TIMP3: variants seen among roughly 807,000 people sequenced by gnomAD.
TIMP3 encodes TIMP metallopeptidase inhibitor 3, also known as metalloproteinase inhibitor 3.
A neutral mutation model predicts 30.0 loss-of-function variants in TIMP3; 11 were observed. The observed-to-expected ratio is 0.37, with a 90% CI of 0.23 to 0.61. The LOEUF is 0.61. Among genes scored for constraint, TIMP3 ranks in the 20% least tolerant of loss-of-function variants. TIMP3 has a pLI of 0.70. For synonymous variants in TIMP3, 112 were observed against 111.3 expected (o/e 1.01, Z -0.04); for missense variants, 181 against 276.8 (o/e 0.65, Z 2.45).
chr22:32,831,849 C>A (rs191929519), intron 1 of TIMP3, among the ~76,000 whole-genome samples: 78 of 151,744 alleles, frequency 5.1e-4, no homozygotes, highest in African/African-American at 1.7e-3. Flanking sequence ...GTCACTGCAC[C>A]CCCCCCAACC....
rs2048574165 is a variant in TIMP3, at chr22:32,862,508, C to G, written c.*3131C>G. On this transcript the variant is annotated 3_prime_UTR_variant, in exon 5 of 5. Transcript: ENST00000266085. Reference sequence around the variant, plus strand: ...CCAGGAGACACTACCCTTCCATGCCCCAGACCTCTGTCTTGCATGTGACAA... The same window carrying G: ...CCAGGAGACACTACCCTTCCATGCCGCAGACCTCTGTCTTGCATGTGACAA... The G allele has an allele frequency of 6.6e-6, 1 of 152,208 alleles. No individual in the cohort carries two copies. Among genetic ancestry groups the G allele is most frequent in the African/African-American group, 2.4e-5 (1 of 41,440 alleles). 9.4% of individuals were successfully genotyped at this position (152,208 alleles called of 1,614,324 possible). A position where few individuals can be genotyped will look rare whatever the true frequency, so the allele number is the denominator to read the frequency against.
At chr22:32,822,795 G>T (rs1376894409) in intron 1 of TIMP3, among the ~76,000 whole-genome samples, 3 of 152,134 alleles carry the variant, frequency 2.0e-5, no homozygotes, top group African/African-American at 7.2e-5. Context: ...TAATATAATG[G>T]ATGGTCCAAA....
chr22:32,852,358 G>T (rs2048243776), intron 2 of TIMP3, among the ~76,000 whole-genome samples: 1 of 152,276 alleles, frequency 6.6e-6, no homozygotes, highest in South Asian at 2.1e-4. Flanking sequence ...ACAAAAAGAG[G>T]TCAGTTTGGG....
rs997308356 is a variant in TIMP3, at chr22:32,858,025, T to C, written c.325T>C (p.Tyr109His). The change falls in exon 4 of 5, where the codon TAT becomes CAT. Residue 109 changes from tyrosine to histidine, a missense_variant. Tyr to His is a moderately conservative substitution (Grantham distance 83). Transcript: ENST00000266085. ...KYQYLLTGRV[Y>H]DGKMYTGLCN... ...CTTCTTTCCTCCTGTAGGTCGCGTC[T>C]ATGATGGCAAGATGTACACGGGGCT... The C allele has an allele frequency of 1.2e-6, 2 of 1,614,190 alleles. No homozygotes were observed. The highest frequency in any genetic ancestry group is 4.5e-5 in the East Asian group (2 of 44,864).
intron 1 of TIMP3, among the ~76,000 whole-genome samples, chr22:32,848,453 G>T (rs2048130679): frequency 6.6e-6 from 1 of 152,204 alleles, no homozygotes; most frequent in Admixed American, 6.5e-5. Flanking sequence ...AGATCATGTG[G>T]ATGCTAATAC....
intron 1 of TIMP3, among the ~76,000 whole-genome samples, chr22:32,832,503 C>G (rs1387414005): frequency 6.7e-6 from 1 of 150,032 alleles, no homozygotes; most frequent in African/African-American, 2.5e-5. Flanking sequence ...GCCCAGGGCT[C>G]TTCTTGCTAT....
intron 1 of TIMP3, among the ~76,000 whole-genome samples, chr22:32,815,243 A>G (rs1305759083): frequency 6.6e-6 from 1 of 152,220 alleles, no homozygotes; most frequent in African/African-American, 2.4e-5. Flanking sequence ...GGCTACTGAC[A>G]GCTTTGCTGC....
intron 1 of TIMP3, among the ~76,000 whole-genome samples, chr22:32,814,202 AAAGAAAAC>A (rs1424170095): frequency 1.3e-5 from 2 of 148,518 alleles, no homozygotes; most frequent in Admixed American, 1.4e-4. Context: ...AGAAAGAAAG[AAAGAAAAC>A]AAAGAAAGGA....
rs142467124 is a variant in TIMP3 at position 32,849,143 on chromosome 22, T to G, written c.122-309T>G. Among the ~76,000 whole-genome samples the G allele has an allele frequency of 4.8e-3, 736 of 152,252 alleles. 12 individuals carry two copies. Among genetic ancestry groups the G allele is most frequent in the Admixed American group, 0.029 (450 of 15,292 alleles). ...AACAGGAGAAGTAGGTTTTGGATTA[T>G]GGTAAAGTCACAAAGTCAAGAAAAT... On this transcript the variant is annotated intron_variant, in intron 1 of 4. Coordinates refer to ENST00000266085, the MANE Select transcript of TIMP3 (RefSeq NM_000362.5).
chr22:32,813,293 T>C (rs2046961963), intron 1 of TIMP3, among the ~76,000 whole-genome samples: 1 of 152,128 alleles, frequency 6.6e-6, no homozygotes, highest in Non-Finnish European at 1.5e-5. Flanking sequence ...GCATCTGAGC[T>C]TTGGCTTTGG....
intron 1 of TIMP3, among the ~76,000 whole-genome samples, chr22:32,826,630 T>C (rs1276194587): frequency 6.6e-6 from 1 of 152,176 alleles, no homozygotes; most frequent in Non-Finnish European, 1.5e-5. Context: ...AAACTAGATA[T>C]TCACTATGTG....
chr22:32,805,764 A>G (rs776322807), intron 1 of TIMP3, among the ~76,000 whole-genome samples: 5 of 152,162 alleles, frequency 3.3e-5, no homozygotes, highest in Non-Finnish European at 7.3e-5. Context: ...TATCAGTTAT[A>G]CCATGCTTCA....
At chr22:32,827,318 T>C (rs1349637984) in intron 1 of TIMP3, among the ~76,000 whole-genome samples, 2 of 152,186 alleles carry the variant, frequency 1.3e-5, no homozygotes, top group Non-Finnish European at 2.9e-5. Context: ...AATATGTGAA[T>C]TCATTTGGGC....
intron 1 of TIMP3, among the ~76,000 whole-genome samples, chr22:32,830,949 G>A (rs2047555533): frequency 6.6e-6 from 1 of 152,202 alleles, no homozygotes; most frequent in Admixed American, 6.5e-5. Context: ...TTAAAAAAAT[G>A]TGTGTTTTTT....
Position 32,860,240 on chromosome 22 carries a change from G to A in TIMP3, c.*863G>A, listed in dbSNP as rs1450905628. The A allele has an allele frequency of 6.6e-6, 1 of 152,334 alleles. No homozygotes were observed. The highest frequency in any genetic ancestry group is 1.5e-5 in the Non-Finnish European group (1 of 68,048). The allele number at this position is 152,334 out of a possible 1,614,324, so 9.4% of individuals were successfully genotyped here. A position where few individuals can be genotyped will look rare whatever the true frequency, so the allele number is the denominator to read the frequency against. ...CTTCCTCCTGGAAAACGCTTTGGTA[G>A]ATTTGGCCAGGAGCTTTCTTTTATG... On this transcript the variant is annotated 3_prime_UTR_variant, in exon 5 of 5. Coordinates refer to ENST00000266085, the MANE Select transcript of TIMP3 (RefSeq NM_000362.5).
intron 1 of TIMP3, among the ~76,000 whole-genome samples, chr22:32,841,640 A>T (rs551803319): frequency 6.6e-6 from 1 of 151,872 alleles, no homozygotes; most frequent in East Asian, 2.0e-4. Flanking sequence ...TATATAAGTA[A>T]AAAGATCATC....
intron 1 of TIMP3, 133 bp downstream of exon 1, chr22:32,802,255 G>A: frequency 7.5e-7 from 1 of 1,331,832 alleles, no homozygotes; most frequent in Non-Finnish European, 1.0e-6. Context: ...GCGGAGTGGA[G>A]AAACTCGATG....
At chr22:32,851,136 C>G (rs927924408) in intron 2 of TIMP3, among the ~76,000 whole-genome samples, 1 of 152,104 alleles carries the variant, frequency 6.6e-6, no homozygotes, top group Non-Finnish European at 1.5e-5. Context: ...GCAAGAGCAA[C>G]AACAACGCAA....
chr22:32,843,093 C>A (rs529044349), intron 1 of TIMP3, among the ~76,000 whole-genome samples: 67 of 150,166 alleles, frequency 4.5e-4, no homozygotes, highest in African/African-American at 1.6e-3. Context: ...TTTTTTTTTT[C>A]CCCCACTAGG....
Sources: allele counts gnomAD v4.1 joint callset (sites outside exome capture counted in the v4.1 genomes callset), GRCh38; gene constraint gnomAD v4.1.1; transcripts MANE v1.5; gene names NCBI Gene and HGNC (gene_info 2026-07-23, HGNC 2026-07-21).